CEP135: variants seen among roughly 807,000 people sequenced by gnomAD.
CEP135 encodes the protein centrosomal protein of 135 kDa.
A neutral mutation model predicts 157.3 loss-of-function variants in CEP135; 142 were observed. That is an observed-to-expected ratio of 0.90 (90% CI 0.79 to 1.04). The LOEUF is 1.04. Among genes scored for constraint, CEP135 ranks in the 50% least tolerant of loss-of-function variants. The probability of loss-of-function intolerance (pLI) is 0.00; values close to 1 mark genes in which losing one functional copy is unlikely to be tolerated. For missense variants in CEP135, 1,317 were observed against 1,309.2 expected (o/e 1.01, Z -0.09); for synonymous variants, 396 against 439.8 (o/e 0.90, Z 1.25).
At chr4:56,025,765 G>A (rs1028897876) in intron 25 of CEP135, among the ~76,000 whole-genome samples, 2 of 152,088 alleles carry the variant, frequency 1.3e-5, no homozygotes, top group African/African-American at 4.8e-5. Flanking sequence ...TTCAGGATTA[G>A]TATAATAACA....
intron 10 of CEP135, among the ~76,000 whole-genome samples, chr4:55,972,702 G>A (rs1475250101): frequency 3.9e-5 from 6 of 152,222 alleles, no homozygotes; most frequent in Non-Finnish European, 8.8e-5. Context: ...ATAATTAAAT[G>A]AGTTAATATG....
chr4:55,997,150 G>T (rs1729999040), intron 15 of CEP135, among the ~76,000 whole-genome samples: 1 of 152,100 alleles, frequency 6.6e-6, no homozygotes, highest in South Asian at 2.1e-4. Context: ...ACTAATAATG[G>T]CAGTCACTCA....
chr4:55,959,673 G>A lies in CEP135; in HGVS notation c.615-9G>A. 6.2e-7 allele frequency: 1 copy of A among 1,610,456 alleles called. No homozygotes were observed. Among genetic ancestry groups the A allele is most frequent in the Non-Finnish European group, 8.5e-7 (1 of 1,176,776 alleles). ...AAGTGTATTGGCATTAATTTAAAGT[G>A]CTTTTCAGGATTCAAGAACTTCAAC... On this transcript the variant is annotated splice_polypyrimidine_tract_variant and intron_variant, in intron 5 of 25. Coordinates refer to ENST00000257287, the MANE Select transcript of CEP135 (RefSeq NM_025009.5).
intron 18 of CEP135, among the ~76,000 whole-genome samples, chr4:56,009,217 A>G (rs1208290036): frequency 6.6e-6 from 1 of 152,044 alleles, no homozygotes; most frequent in African/African-American, 2.4e-5. Flanking sequence ...GCTGGAGTGC[A>G]GTGGGGCGAT....
At position 56,032,847 on chromosome 4, in the gene CEP135, A is replaced by AGAGTGTGTGT. The variant is rs1553897013; in HGVS notation, c.*1500_*1501insAGTGTGTGTG. The AGAGTGTGTGT allele has an allele frequency of 2.7e-5, 4 of 149,834 alleles. No individual in the cohort carries two copies. Among genetic ancestry groups the AGAGTGTGTGT allele is most frequent in the East Asian group, 4.0e-4 (2 of 5,058 alleles). 9.3% of individuals were successfully genotyped at this position (149,834 alleles called of 1,614,324 possible). ...TTCCTCTTGTGGTTTAATAAAGTGAAGTGTGTGTGTGTGTGTGTGTGTGTA... is the reference window on the plus strand; with the variant it reads ...TTCCTCTTGTGGTTTAATAAAGTGAAGAGTGTGTGTGTGTGTGTGTGTGTGTGTGTGTGTA... On this transcript the variant is annotated 3_prime_UTR_variant, in exon 26 of 26. Coordinates refer to ENST00000257287, the MANE Select transcript of CEP135 (RefSeq NM_025009.5).
At chr4:56,002,399 G>T (rs575770957) in intron 17 of CEP135, among the ~76,000 whole-genome samples, 2 of 152,070 alleles carry the variant, frequency 1.3e-5, no homozygotes, top group Admixed American at 6.6e-5. Context: ...TTATTTTGAG[G>T]TATTTTCTTT....
At chr4:55,964,523 T>C (rs1728784347) in intron 7 of CEP135, 121 bp downstream of exon 7, 1 of 700,582 alleles carries the variant, frequency 1.4e-6, no homozygotes, top group Admixed American at 3.7e-5. Context: ...AGGTATTATT[T>C]GCAATGGGAA....
intron 14 of CEP135, among the ~76,000 whole-genome samples, chr4:55,990,059 ATCT>A (rs1384320633): frequency 5.3e-5 from 8 of 152,172 alleles, no homozygotes; most frequent in Non-Finnish European, 1.0e-4. Context: ...TGACTGATCC[ATCT>A]TCTTTTTTCT....
chr4:55,998,758 G>C (rs1020817620), intron 15 of CEP135, among the ~76,000 whole-genome samples: 4 of 152,094 alleles, frequency 2.6e-5, no homozygotes, highest in Non-Finnish European at 5.9e-5. Context: ...CCAGCCTCTA[G>C]GGATGCTGAG....
At chr4:55,972,931 C>G (rs900209324) in intron 10 of CEP135, among the ~76,000 whole-genome samples, 1 of 152,040 alleles carries the variant, frequency 6.6e-6, no homozygotes, top group African/African-American at 2.4e-5. Flanking sequence ...ACTCAGGAGG[C>G]TGAGGCAGGA....
At chr4:56,012,121 G>T in intron 21 of CEP135, 136 bp downstream of exon 21, 5 of 527,044 alleles carry the variant, frequency 9.5e-6, no homozygotes, top group Non-Finnish European at 1.5e-5. Flanking sequence ...GCAATGGCAC[G>T]ATCTTTGCTT....
intron 4 of CEP135, among the ~76,000 whole-genome samples, chr4:55,955,277 T>G (rs1728471424): frequency 6.6e-6 from 1 of 152,164 alleles, no homozygotes; most frequent in Admixed American, 6.5e-5. Flanking sequence ...AAGAGCATGA[T>G]GAGTACCAAA....
At chr4:55,990,499 T>A (rs1390394583) in intron 14 of CEP135, among the ~76,000 whole-genome samples, 3 of 152,146 alleles carry the variant, frequency 2.0e-5, no homozygotes, top group Non-Finnish European at 4.4e-5. Flanking sequence ...CCTACACTTA[T>A]TTATTTATTT....
At chr4:55,950,934 G>A (rs1172419349) in intron 1 of CEP135, among the ~76,000 whole-genome samples, 2 of 152,110 alleles carry the variant, frequency 1.3e-5, no homozygotes, top group South Asian at 2.1e-4. Flanking sequence ...TCTGCAGCCC[G>A]CCTCACCTCC....
In CEP135 at chr4:55,971,340, CTG is replaced by C; in HGVS notation, c.1183_1184del (p.Val395CysfsTer5). On this transcript the variant is annotated frameshift_variant, in exon 10 of 26. Coordinates refer to ENST00000257287, the MANE Select transcript of CEP135 (RefSeq NM_025009.5). LOFTEE classifies it high-confidence loss of function. The stretch of plus-strand genomic sequence containing the variant: ...CTCCTTGTAAAATCAGACCTAGAAA[CTG>C]TTGTTCATCAGCTTGAACAAGAAAA... 1 of 1,607,018 alleles carries C rather than the reference CTG, an allele frequency of 6.2e-7. No homozygotes were observed.
intron 25 of CEP135, among the ~76,000 whole-genome samples, chr4:56,028,076 G>T (rs1245024816): frequency 6.6e-6 from 1 of 151,982 alleles, no homozygotes; most frequent in East Asian, 1.9e-4. Context: ...TATTTTCCAG[G>T]TTCATCCATA....
At position 55,952,136 on chromosome 4, in the gene CEP135, T is replaced by C. The variant is rs771295588; in HGVS notation, c.6T>C (p.Thr2=). 1 of 1,589,458 alleles carries C rather than the reference T, an allele frequency of 6.3e-7. No homozygotes were observed. Among genetic ancestry groups the C allele is most frequent in the East Asian group, 2.2e-5 (1 of 44,762 alleles). ...AACTTGTTTTAGAAGACGAGATGAC[T>C]ACAGCTGTAGAGAGAAAGTATATTA... M[T]TAVERKYINI... The change falls in exon 2 of 26, where the codon ACT becomes ACC. Residue 2 remains threonine (T), a synonymous_variant. Coordinates refer to ENST00000257287, the MANE Select transcript of CEP135 (RefSeq NM_025009.5).
chr4:55,992,644 C>CA (rs1553892289), intron 15 of CEP135, among the ~76,000 whole-genome samples: 3 of 151,714 alleles, frequency 2.0e-5, no homozygotes, highest in Non-Finnish European at 4.4e-5. Flanking sequence ...AGATTGATGG[C>CA]AAAAAAAGGA....
rs1729807819 is a variant in CEP135 at position 55,991,838 on chromosome 4, T to C, written c.1858-96T>C. The C allele has an allele frequency of 9.0e-6, 6 of 669,214 alleles. No individual in the cohort carries two copies. In the South Asian group the frequency reaches 1.9e-4, roughly 21 times the overall value. The allele number at this position is 669,214 out of a possible 1,614,324, so 41.5% of individuals were successfully genotyped here. On this transcript the variant is annotated intron_variant, in intron 14 of 25. Transcript: ENST00000257287. ...TTTTTTTAAAAATAAATCTATTTTC[T>C]TAGTTTTCTTCCGGAAATATTATTA... is the stretch of plus-strand genomic sequence containing the variant.
Sources: allele counts gnomAD v4.1 joint callset (sites outside exome capture counted in the v4.1 genomes callset), GRCh38; gene constraint gnomAD v4.1.1; transcripts MANE v1.5; gene names NCBI Gene and HGNC (gene_info 2026-07-23, HGNC 2026-07-21).